FBXL20: variants seen among roughly 807,000 people sequenced by gnomAD.
The protein encoded by FBXL20 is F-box and leucine rich repeat protein 20, also known as F-box/LRR-repeat protein 20.
A neutral mutation model predicts 64.0 loss-of-function variants in FBXL20; 11 were observed. The observed-to-expected ratio is 0.17, with a 90% confidence interval of 0.11 to 0.28. The LOEUF is 0.28. Among genes scored for constraint, FBXL20 ranks in the 10% least tolerant of loss-of-function variants. The probability of loss-of-function intolerance (pLI) is 1.00; values close to 1 mark genes in which losing one functional copy is unlikely to be tolerated. For synonymous variants in FBXL20, 184 were observed against 189.0 expected (o/e 0.97, Z 0.22); for missense variants, 303 against 526.2 (o/e 0.58, Z 4.15).
chr17:39,262,291 A>AT (rs932161683), intron 14 of FBXL20, among the ~76,000 whole-genome samples: 64 of 151,734 alleles, frequency 4.2e-4, no homozygotes, highest in African/African-American at 1.4e-3. Context: ...AGAGGTTGGT[A>AT]TTTTTTTTGA....
At chr17:39,380,722 T>C (rs778760159) in intron 1 of FBXL20, among the ~76,000 whole-genome samples, 2 of 152,198 alleles carry the variant, frequency 1.3e-5, no homozygotes, top group Non-Finnish European at 2.9e-5. Context: ...AGCAGGACTT[T>C]TTGTCCACTT....
In FBXL20 at chr17:39,255,826, G is replaced by GAAA. The variant is rs531073661; in HGVS notation, c.*5631_*5633dup. On this transcript the variant is annotated 3_prime_UTR_variant, in exon 15 of 15. Coordinates refer to ENST00000264658, the MANE Select transcript of FBXL20 (RefSeq NM_032875.3). Reference sequence around the variant, plus strand: ...TATTGCACTCCAGCCTGGGCAACAAGAAAAAAAAAAAAAGTTTATCCCAAG... The same window carrying GAAA: ...TATTGCACTCCAGCCTGGGCAACAAGAAAAAAAAAAAAAAAAGTTTATCCCAAG... 9 of 139,424 alleles carry GAAA rather than the reference G, an allele frequency of 6.5e-5. No individual in the cohort carries two copies. The highest frequency in any genetic ancestry group is 1.1e-4 in the Non-Finnish European group (7 of 63,460). The allele number at this position is 139,424 out of a possible 1,614,324, so 8.6% of individuals were successfully genotyped here.
intron 9 of FBXL20, among the ~76,000 whole-genome samples, chr17:39,281,091 T>C (rs1280566611): frequency 6.6e-6 from 1 of 152,138 alleles, no homozygotes; most frequent in African/African-American, 2.4e-5. Flanking sequence ...ACTAAACTTG[T>C]GAATCATTTA....
In FBXL20 at chr17:39,281,391, A is replaced by T. The variant is rs764604490; in HGVS notation, c.694T>A (p.Leu232Met). The T allele has an allele frequency of 6.2e-7, 1 of 1,613,798 alleles. No individual in the cohort carries two copies. The highest frequency in any genetic ancestry group is 8.5e-7 in the Non-Finnish European group (1 of 1,179,830). The change falls in exon 9 of 15, where the codon TTG (leucine) becomes ATG (methionine). Residue 232 changes from leucine to methionine, a missense_variant and splice_region_variant. This residue lies in a region of FBXL20 where 246 missense variants were observed against 422.6 expected (regional missense o/e 0.58). Transcript: ENST00000264658. Reference protein sequence around the residue: ...ELVTLNLQTCLQITDEGLITI... With the variant: ...ELVTLNLQTCMQITDEGLITI... The stretch of plus-strand genomic sequence containing the variant: ...GAGTTGTGAGAAGGGATGTTTACCA[A>T]GCAAGTCTGCAAGTTCAAAGTCACC...
intron 2 of FBXL20, among the ~76,000 whole-genome samples, chr17:39,338,686 A>G (rs1320375835): frequency 1.3e-5 from 2 of 152,186 alleles, no homozygotes; most frequent in African/African-American, 2.4e-5. Flanking sequence ...ACCAAAATTA[A>G]TATCACCAGT....
At chr17:39,272,701 C>CAAAAAAAAAAAAAAAAAAAAAAA (rs56138431) in intron 10 of FBXL20, among the ~76,000 whole-genome samples, 2 of 98,866 alleles carry the variant, frequency 2.0e-5, no homozygotes, top group Admixed American at 1.1e-4. Flanking sequence ...AACTCTATCT[C>CAAAAAAAAAAAAAAAAAAAAAAA]AAAAAAAAAA....
rs1002424210 is a variant in FBXL20 at position 39,257,723 on chromosome 17, G to A, written c.*3737C>T. On this transcript the variant is annotated 3_prime_UTR_variant, in exon 15 of 15. Coordinates refer to ENST00000264658, the MANE Select transcript of FBXL20 (RefSeq NM_032875.3). Reference sequence around the variant, plus strand: ...GTCACTGAACTTTAAGGCTGCCTTTGACAGCCCCTGGAGTAGGAGAAGGAT... The same window carrying A: ...GTCACTGAACTTTAAGGCTGCCTTTAACAGCCCCTGGAGTAGGAGAAGGAT... The A allele has an allele frequency of 6.6e-6, 1 of 152,296 alleles. No individual in the cohort carries two copies. Among genetic ancestry groups the A allele is most frequent in the Non-Finnish European group, 1.5e-5 (1 of 68,050 alleles). 9.4% of individuals were successfully genotyped at this position (152,296 alleles called of 1,614,324 possible). A position where few individuals can be genotyped will look rare whatever the true frequency, so the allele number is the denominator to read the frequency against.
intron 1 of FBXL20, among the ~76,000 whole-genome samples, chr17:39,345,886 A>G (rs1957288890): frequency 6.6e-6 from 1 of 152,182 alleles, no homozygotes; most frequent in African/African-American, 2.4e-5. Context: ...ATAAATGGAA[A>G]GCCCTGTGAG....
chr17:39,320,325 C>T (rs1405264145), intron 2 of FBXL20, among the ~76,000 whole-genome samples: 1 of 151,896 alleles, frequency 6.6e-6, no homozygotes, highest in Non-Finnish European at 1.5e-5. Flanking sequence ...TTTAAAAACC[C>T]TTTAATTTTT....
chr17:39,388,459 C>CAA (rs932603359), intron 1 of FBXL20, among the ~76,000 whole-genome samples: 1 of 137,744 alleles, frequency 7.3e-6, no homozygotes, highest in Non-Finnish European at 1.6e-5. Flanking sequence ...GAACCTGTCT[C>CAA]AAAAAAAAAA....
intron 2 of FBXL20, among the ~76,000 whole-genome samples, chr17:39,307,333 G>A (rs1166267343): frequency 6.6e-6 from 1 of 152,134 alleles, no homozygotes; most frequent in Non-Finnish European, 1.5e-5. Flanking sequence ...TAGAAGGGTG[G>A]TCAAGGAAAG....
intron 9 of FBXL20, among the ~76,000 whole-genome samples, chr17:39,277,223 C>G (rs1368630375): frequency 6.6e-6 from 1 of 152,164 alleles, no homozygotes; most frequent in Admixed American, 6.5e-5. Flanking sequence ...TAATGAGATA[C>G]TAACACACGT....
chr17:39,268,146 G>A (rs1187219400), intron 12 of FBXL20, among the ~76,000 whole-genome samples: 33 of 152,084 alleles, frequency 2.2e-4, no homozygotes. Flanking sequence ...GAGGTCAGGA[G>A]TTCAAAACCA....
intron 1 of FBXL20, among the ~76,000 whole-genome samples, chr17:39,350,802 TTACAA>T (rs2047680876): frequency 6.6e-6 from 1 of 152,130 alleles, no homozygotes; most frequent in African/African-American, 2.4e-5. Flanking sequence ...AACCCGGAAC[TTACAA>T]GAATTGAAAA....
intron 2 of FBXL20, among the ~76,000 whole-genome samples, chr17:39,328,306 T>C (rs1341241226): frequency 9.9e-6 from 1 of 101,188 alleles, no homozygotes; most frequent in Non-Finnish European, 2.1e-5. Flanking sequence ...CATTCTCTAC[T>C]AAAAAAAAAT....
chr17:39,278,098 G>C (rs1221781629), intron 9 of FBXL20, among the ~76,000 whole-genome samples: 1 of 152,178 alleles, frequency 6.6e-6, no homozygotes, highest in Admixed American at 6.5e-5. Flanking sequence ...TATGTATAGA[G>C]TGTGTAAATA....
rs757642171 is a variant in FBXL20 at position 39,285,544 on chromosome 17, G to C, written c.428C>G (p.Ser143Cys). 1.2e-6 allele frequency: 2 copies of C among 1,604,122 alleles called. No individual in the cohort carries two copies. The highest frequency in any genetic ancestry group is 1.7e-6 in the Non-Finnish European group (2 of 1,175,082). ...ATCTSLSKFC[S>C]KLRHLDLASC... ...AGCCAAGTCAAGGTGCCTGAGTTTG[G>C]AACAGAACTTGCTAAGGCTAGTACA... is the stretch of plus-strand genomic sequence containing the variant. Residue 143 changes from serine to cysteine, a missense_variant, in exon 7 of 15, where the codon TCC becomes TGC. Ser to Cys is a moderately radical substitution (Grantham distance 112). Around this residue, in one of 3 missense-constraint regions of FBXL20, gnomAD observed 246 missense variants for 422.6 expected, o/e 0.58. Transcript: ENST00000264658.
chr17:39,363,870 C>T (rs1597821829), intron 1 of FBXL20, among the ~76,000 whole-genome samples: 2 of 137,452 alleles, frequency 1.5e-5, no homozygotes. Flanking sequence ...TAATGAAACC[C>T]AATGAATCAT....
intron 2 of FBXL20, among the ~76,000 whole-genome samples, chr17:39,337,979 C>T (rs1442186165): frequency 2.4e-4 from 36 of 151,884 alleles, no homozygotes; most frequent in Non-Finnish European, 4.9e-4. Context: ...TCTGCCCGGC[C>T]GCCCCTACTG....
Sources: gnomAD v4.1 joint callset for allele counts (sites outside exome capture counted in the v4.1 genomes callset) on GRCh38, gnomAD v4.1.1 for gene constraint, gnomAD v4.1.1 regional missense constraint, MANE v1.5 for transcripts, NCBI Gene and HGNC (gene_info 2026-07-23, HGNC 2026-07-21) for gene names.